UGT1A9: variants seen among roughly 807,000 people sequenced by gnomAD.
The protein encoded by UGT1A9 is UDP glucuronosyltransferase family 1 member A9.
Under a neutral mutation model 45.0 loss-of-function variants are expected in UGT1A9, and 35 were observed. That is an observed-to-expected ratio of 0.78 (90% CI 0.59 to 1.03). The LOEUF (loss-of-function observed/expected upper bound fraction) is 1.03. Ranked by LOEUF, UGT1A9 falls within the 50% of genes least tolerant of loss-of-function variation. The probability of loss-of-function intolerance (pLI) is 0.00; values close to 1 mark genes in which losing one functional copy is unlikely to be tolerated. For synonymous variants in UGT1A9, 278 were observed against 250.6 expected (o/e 1.11, Z -1.03); for missense variants, 687 against 666.6 (o/e 1.03, Z -0.34).
At chr2:233,681,569 T>C (rs1372123824) in intron 1 of UGT1A9, among the ~76,000 whole-genome samples, 1 of 152,046 alleles carries the variant, frequency 6.6e-6, no homozygotes, top group Non-Finnish European at 1.5e-5. Context: ...AAATTTTTCT[T>C]TGTGACAAAT....
chr2:233,761,181 G>T (rs539737168), intron 1 of UGT1A9: 1 of 1,614,126 alleles, frequency 6.2e-7, no homozygotes, highest in Non-Finnish European at 8.5e-7. Flanking sequence ...TTTTACATGC[G>T]TATATTCTTT....
rs1228937957 is a variant in UGT1A9 at position 233,725,058 on chromosome 2, G to C, written c.856-41976G>C. Reference sequence around the variant, plus strand: ...CAAAACCAGTCAGGCGTGGCGGCGCGCGCCTGCAATCGCAGGCACTCGGCA... The same window carrying C: ...CAAAACCAGTCAGGCGTGGCGGCGCCCGCCTGCAATCGCAGGCACTCGGCA... On this transcript the variant is annotated intron_variant, in intron 1 of 4. Coordinates refer to ENST00000354728, the MANE Select transcript of UGT1A9 (RefSeq NM_021027.3). Among the ~76,000 whole-genome samples the C allele has an allele frequency of 2.0e-5, 3 of 147,402 alleles. 1 individual carries two copies. The highest frequency in any genetic ancestry group is 5.1e-5 in the African/African-American group (2 of 39,480).
chr2:233,760,863 C>A, intron 1 of UGT1A9: 1 of 1,614,134 alleles, frequency 6.2e-7, no homozygotes, highest in Non-Finnish European at 8.5e-7. Flanking sequence ...CATTCTCCTA[C>A]GTGCCCAGGC....
chr2:233,725,073 G>A (rs1490927388), intron 1 of UGT1A9, among the ~76,000 whole-genome samples: 1 of 145,046 alleles, frequency 6.9e-6, no homozygotes, highest in Non-Finnish European at 1.5e-5. Context: ...TGCAATCGCA[G>A]GCACTCGGCA....
At chr2:233,703,158 C>T (rs2075725163) in intron 1 of UGT1A9, among the ~76,000 whole-genome samples, 1 of 152,106 alleles carries the variant, frequency 6.6e-6, no homozygotes, top group Admixed American at 6.5e-5. Context: ...TGTATTTCTT[C>T]TTGATTCAAT....
chr2:233,747,333 C>T, intron 1 of UGT1A9: 1 of 1,603,778 alleles, frequency 6.2e-7, no homozygotes, highest in South Asian at 1.1e-5. Flanking sequence ...ATGGCAGCCA[C>T]TGGCTCGCAT....
At chr2:233,697,927 G>A (rs900659562) in intron 1 of UGT1A9, among the ~76,000 whole-genome samples, 1 of 152,072 alleles carries the variant, frequency 6.6e-6, no homozygotes. Context: ...GAAGTCTAGG[G>A]TATTGGAAAA....
At chr2:233,709,904 C>T (rs2076096506) in intron 1 of UGT1A9, among the ~76,000 whole-genome samples, 1 of 152,180 alleles carries the variant, frequency 6.6e-6, no homozygotes, top group Non-Finnish European at 1.5e-5. Flanking sequence ...TCTCAGTCAC[C>T]TAATACCTCC....
intron 1 of UGT1A9, chr2:233,755,866 T>C (rs1696048647): frequency 6.6e-6 from 1 of 152,244 alleles, no homozygotes; most frequent in Non-Finnish European, 1.5e-5. Context: ...CATGACACAC[T>C]AACAAACCTT....
At chr2:233,750,254 C>A (rs1056169582) in intron 1 of UGT1A9, among the ~76,000 whole-genome samples, 6 of 152,046 alleles carry the variant, frequency 3.9e-5, no homozygotes, top group African/African-American at 1.5e-4. Flanking sequence ...ACAAAGGTCA[C>A]CCTTGCTATG....
chr2:233,673,111 G>A (rs748488446), intron 1 of UGT1A9, among the ~76,000 whole-genome samples: 1 of 152,110 alleles, frequency 6.6e-6, no homozygotes, highest in Non-Finnish European at 1.5e-5. Flanking sequence ...GCCCGCCCCA[G>A]AGGAAATGGT....
At chr2:233,747,501 A>G in intron 1 of UGT1A9, 1 of 1,608,354 alleles carries the variant, frequency 6.2e-7, no homozygotes, top group East Asian at 2.2e-5. Context: ...GCTGGGCCAC[A>G]CTCAACTGTA....
intron 1 of UGT1A9, chr2:233,693,404 GA>G: frequency 1.2e-6 from 2 of 1,614,158 alleles, no homozygotes; most frequent in Non-Finnish European, 1.7e-6. Flanking sequence ...GCAGGACAGG[GA>G]CACCCTGAAC....
intron 1 of UGT1A9, chr2:233,753,738 G>A (rs1695291371): frequency 6.6e-6 from 1 of 152,194 alleles, no homozygotes. Flanking sequence ...CCCAAGCACA[G>A]CAATAGGACA....
At chr2:233,734,322 A>G (rs1391524851) in intron 1 of UGT1A9, among the ~76,000 whole-genome samples, 1 of 152,110 alleles carries the variant, frequency 6.6e-6, no homozygotes, top group Non-Finnish European at 1.5e-5. Flanking sequence ...AGACGTATTT[A>G]TAGTATTCTC....
chr2:233,728,963 A>G (rs747345180), intron 1 of UGT1A9: 195 of 1,450,970 alleles, frequency 1.3e-4, no homozygotes, highest in Non-Finnish European at 1.6e-4. Flanking sequence ...AGTGAAAAAC[A>G]GTGATAGATT....
chr2:233,724,340 A>ACC (rs1221376110), intron 1 of UGT1A9, among the ~76,000 whole-genome samples: 3 of 104,180 alleles, frequency 2.9e-5, no homozygotes, highest in East Asian at 3.0e-4. Flanking sequence ...CGGGGGGCTG[A>ACC]CCCCCCCCAC....
At chr2:233,755,411 C>G (rs1182147250) in intron 1 of UGT1A9, 4 of 330,942 alleles carry the variant, frequency 1.2e-5, no homozygotes, top group South Asian at 7.6e-5. Flanking sequence ...TTGGCCGAGG[C>G]CTGTGAGCGC....
At chr2:233,697,355 T>C (rs1350748190) in intron 1 of UGT1A9, among the ~76,000 whole-genome samples, 1 of 152,124 alleles carries the variant, frequency 6.6e-6, no homozygotes, top group Admixed American at 6.5e-5. Context: ...GTTTTCTAAT[T>C]TGTTGGCATA....
Sources: allele counts gnomAD v4.1 joint callset (sites outside exome capture counted in the v4.1 genomes callset), GRCh38; gene constraint gnomAD v4.1.1; transcripts MANE v1.5; gene names NCBI Gene and HGNC (gene_info 2026-07-23, HGNC 2026-07-21).